The following ARHGEF26 variants were observed in gnomAD, a reference collection of about 807,000 sequenced individuals.
ARHGEF26 encodes the protein Rho guanine nucleotide exchange factor (GEF) 26.
Under a neutral mutation model 89.4 loss-of-function variants are expected in ARHGEF26, and 59 were observed. That is an observed-to-expected ratio of 0.66 (90% confidence interval 0.54 to 0.82). The LOEUF is 0.82. Ranked by LOEUF, ARHGEF26 falls within the 40% of genes least tolerant of loss-of-function variation. ARHGEF26 has a pLI of 0.00. For missense variants in ARHGEF26, 1,234 were observed against 1,085.6 expected (o/e 1.14, Z -1.92); for synonymous variants, 500 against 428.4 (o/e 1.17, Z -2.06).
rs374617836 is a variant in ARHGEF26 at position 154,217,897 on chromosome 3, G to A, written c.1874G>A (p.Arg625Gln). The A allele has an allele frequency of 1.1e-4, 180 of 1,602,458 alleles. No individual in the cohort carries two copies. Among genetic ancestry groups the A allele is most frequent in the Non-Finnish European group, 1.4e-4 (166 of 1,174,378 alleles). ...KLVRLCNEGARKMERTEMMYT... is the reference protein window; with the variant it reads ...KLVRLCNEGAQKMERTEMMYT... ...GTTCGACTATGCAATGAGGGCGCCC[G>A]GAAGATGGAAAGGACTGAGATGATG... The change falls in exon 10 of 15, where the codon CGG becomes CAG. Residue 625 changes from arginine to glutamine, a missense_variant. Physicochemically the swap from Arg to Gln is conservative, Grantham distance 43. Coordinates refer to ENST00000465093, the MANE Select transcript of ARHGEF26 (RefSeq NM_015595.4).
At chr3:154,246,485 TTG>T (rs1174917278) in intron 12 of ARHGEF26, among the ~76,000 whole-genome samples, 4 of 152,170 alleles carry the variant, frequency 2.6e-5, no homozygotes, top group African/African-American at 9.7e-5. Flanking sequence ...GCATCAAAAC[TTG>T]TGATTATTTT....
intron 6 of ARHGEF26, among the ~76,000 whole-genome samples, chr3:154,171,783 T>C (rs1712457395): frequency 6.6e-6 from 1 of 151,944 alleles, no homozygotes; most frequent in Non-Finnish European, 1.5e-5. Flanking sequence ...CTGAAAGAGA[T>C]TATTGGAGAA....
Position 154,124,543 on chromosome 3 carries a change from A to G in ARHGEF26, c.1123+94A>G, listed in dbSNP as rs567583283. The G allele has an allele frequency of 1.0e-4, 113 of 1,094,326 alleles. 1 individual carries two copies. In the East Asian group the frequency reaches 3.0e-3, roughly 29 times the overall value. The allele number at this position is 1,094,326 out of a possible 1,614,324, so 67.8% of individuals were successfully genotyped here. On this transcript the variant is annotated intron_variant, in intron 3 of 14. Transcript: ENST00000465093. The stretch of plus-strand genomic sequence containing the variant: ...AACTGCAGTAACAAAAATGCTTACG[A>G]TGAGAAATATGTCCAACTTCTTCTC...
chr3:154,127,761 C>A (rs936237650), intron 3 of ARHGEF26, among the ~76,000 whole-genome samples: 1 of 151,140 alleles, frequency 6.6e-6, no homozygotes, highest in Non-Finnish European at 1.5e-5. Context: ...TTTGGCAGTA[C>A]AATCGGTTTG....
chr3:154,130,943 ACTT>A (rs895216325), intron 4 of ARHGEF26, among the ~76,000 whole-genome samples: 3 of 152,240 alleles, frequency 2.0e-5, no homozygotes, highest in African/African-American at 7.2e-5. Context: ...GTGGGAGACA[ACTT>A]CTGCTTCAAG....
chr3:154,246,351 G>T (rs1717801144), intron 12 of ARHGEF26, among the ~76,000 whole-genome samples: 1 of 152,146 alleles, frequency 6.6e-6, no homozygotes. Flanking sequence ...CCAGGGAGAG[G>T]GGTGGCAGTC....
intron 11 of ARHGEF26, among the ~76,000 whole-genome samples, chr3:154,232,897 G>A (rs187369004): frequency 8.6e-5 from 13 of 151,114 alleles, no homozygotes; most frequent in Non-Finnish European, 1.3e-4. Context: ...GCATGATCTC[G>A]GCTCACTGCA....
intron 6 of ARHGEF26, among the ~76,000 whole-genome samples, chr3:154,171,829 G>A (rs1712459953): frequency 6.6e-6 from 1 of 152,106 alleles, no homozygotes; most frequent in Non-Finnish European, 1.5e-5. Context: ...TGAGCACCAA[G>A]CCCTGAGACC....
In ARHGEF26 at chr3:154,152,786, C is replaced by A; in HGVS notation, c.1341C>A (p.Val447=). ...CTTCTTACCAGGCTATCTTTGAAGTCATATCCTCTGAACATTCATATTTAC... is the reference window on the plus strand; with the variant it reads ...CTTCTTACCAGGCTATCTTTGAAGTAATATCCTCTGAACATTCATATTTAC... The part of the protein sequence containing the change: ...ERKRQEAIFE[V]ISSEHSYLLS... The change falls in exon 6 of 15, where the codon GTC becomes GTA. Residue 447 remains valine, a synonymous_variant. Transcript: ENST00000465093. The A allele has an allele frequency of 1.3e-6, 2 of 1,523,856 alleles. No individual in the cohort carries two copies. The highest frequency in any genetic ancestry group is 1.8e-6 in the Non-Finnish European group (2 of 1,134,566). The allele number at this position is 1,523,856 out of a possible 1,614,324, so 94.4% of individuals were successfully genotyped here. A position where few individuals can be genotyped will look rare whatever the true frequency, so the allele number is the denominator to read the frequency against.
At chr3:154,128,663 C>G (rs978698535) in intron 3 of ARHGEF26, among the ~76,000 whole-genome samples, 7 of 152,224 alleles carry the variant, frequency 4.6e-5, no homozygotes, top group Admixed American at 2.0e-4. Flanking sequence ...TTTGCACTTG[C>G]TGTGTCCCTG....
In ARHGEF26 at chr3:154,225,924, C is replaced by CA; in HGVS notation, c.2005dup (p.Thr669AsnfsTer19). The stretch of plus-strand genomic sequence containing the variant: ...GTGAATTGACAGCCTATGTTGAAGA[C>CA]ACTGTGCTTTTCTCAAGAAGGACAT... On this transcript the variant is annotated frameshift_variant, in exon 11 of 15. Coordinates refer to ENST00000465093, the MANE Select transcript of ARHGEF26 (RefSeq NM_015595.4). LOFTEE classifies it high-confidence loss of function. The CA allele has an allele frequency of 1.2e-6, 2 of 1,612,794 alleles. No individual in the cohort carries two copies. The highest frequency in any genetic ancestry group is 1.7e-6 in the Non-Finnish European group (2 of 1,179,296).
intron 12 of ARHGEF26, among the ~76,000 whole-genome samples, chr3:154,252,645 T>C (rs974416118): frequency 6.6e-6 from 1 of 152,202 alleles, no homozygotes; most frequent in Non-Finnish European, 1.5e-5. Flanking sequence ...ATTAGTTGTA[T>C]GAGGGATGAG....
chr3:154,156,996 G>T (rs955711375), intron 6 of ARHGEF26, among the ~76,000 whole-genome samples: 2 of 152,096 alleles, frequency 1.3e-5, no homozygotes, highest in Non-Finnish European at 1.5e-5. Flanking sequence ...ACAGTGTGTT[G>T]TCTAGTCCCC....
intron 12 of ARHGEF26, among the ~76,000 whole-genome samples, chr3:154,241,752 T>G (rs1423087850): frequency 6.6e-6 from 1 of 152,144 alleles, no homozygotes; most frequent in Non-Finnish European, 1.5e-5. Context: ...ATATCAGAGA[T>G]AAGGGCTATT....
intron 11 of ARHGEF26, among the ~76,000 whole-genome samples, chr3:154,238,270 G>T (rs1717250323): frequency 6.6e-6 from 1 of 152,108 alleles, no homozygotes; most frequent in Non-Finnish European, 1.5e-5. Flanking sequence ...TCCAAGTGTG[G>T]GTGTGCTGGT....
chr3:154,128,628 A>C (rs1338139111), intron 3 of ARHGEF26, among the ~76,000 whole-genome samples: 1 of 152,142 alleles, frequency 6.6e-6, no homozygotes, highest in Non-Finnish European at 1.5e-5. Context: ...ATACAGACAT[A>C]CCAAGTAGAC....
chr3:154,149,853 C>T (rs1380309256), intron 5 of ARHGEF26, among the ~76,000 whole-genome samples: 1 of 150,292 alleles, frequency 6.7e-6, no homozygotes, highest in Non-Finnish European at 1.5e-5. Flanking sequence ...ATGTAGCATA[C>T]AAGGGTCTCT....
chr3:154,214,934 C>T (rs1032693632), intron 9 of ARHGEF26, among the ~76,000 whole-genome samples: 1 of 152,146 alleles, frequency 6.6e-6, no homozygotes, highest in Non-Finnish European at 1.5e-5. Flanking sequence ...CAGGTTTGCC[C>T]TCTAAATCTA....
intron 6 of ARHGEF26, among the ~76,000 whole-genome samples, chr3:154,171,400 G>A (rs1019867974): frequency 2.0e-5 from 3 of 151,908 alleles, no homozygotes; most frequent in East Asian, 1.9e-4. Context: ...TTTACATTAC[G>A]GTTTGCTCTT....
Sources: allele counts gnomAD v4.1 joint callset (sites outside exome capture counted in the v4.1 genomes callset), GRCh38; gene constraint gnomAD v4.1.1; transcripts MANE v1.5; gene names NCBI Gene and HGNC (gene_info 2026-07-23, HGNC 2026-07-21).